Variants in GATAD2A observed in about 807,000 individuals in gnomAD.
The protein encoded by GATAD2A is GATA zinc finger domain containing 2A.
GATAD2A carries 12 observed loss-of-function variants against 68.5 expected under a neutral mutation model. That is an observed-to-expected ratio of 0.18 (90% CI 0.11 to 0.28). GATAD2A has a LOEUF of 0.28. GATAD2A is among the 10% of genes least tolerant of loss of function. GATAD2A has a pLI of 1.00. For synonymous variants in GATAD2A, 410 were observed against 375.3 expected (o/e 1.09, Z -1.07); for missense variants, 755 against 868.5 (o/e 0.87, Z 1.64).
In GATAD2A at chr19:19,498,710, C is replaced by G; in HGVS notation, c.1192C>G (p.Leu398Val). The change falls in exon 8 of 12, where the codon CTG (leucine) becomes GTG (valine). Residue 398 changes from leucine to valine, a missense_variant. By Grantham distance (32) the Leu-to-Val change is conservative. Transcript: ENST00000683918. The stretch of plus-strand genomic sequence containing the variant: ...CCTGGAGGAGGTGGTGCAGAACCTA[C>G]TGGAGACACAAGGTGAGTGGCCTGG... ...VGLEEVVQNLLETQAGRMSAA... is the reference protein window; with the variant it reads ...VGLEEVVQNLVETQAGRMSAA... 6.2e-7 allele frequency: 1 copy of G among 1,609,226 alleles called. No individual in the cohort carries two copies. Among genetic ancestry groups the G allele is most frequent in the Middle Eastern group, 1.7e-4 (1 of 6,030 alleles).
chr19:19,430,246 C>G (rs942984119), intron 1 of GATAD2A, among the ~76,000 whole-genome samples: 10 of 152,206 alleles, frequency 6.6e-5, no homozygotes, highest in Non-Finnish European at 1.5e-4. Context: ...AATTCTTCTC[C>G]AGCCAGCCAG....
intron 2 of GATAD2A, among the ~76,000 whole-genome samples, chr19:19,491,326 G>T (rs991633270): frequency 6.6e-6 from 1 of 152,206 alleles, no homozygotes; most frequent in Non-Finnish European, 1.5e-5. Flanking sequence ...CTTCCCAACT[G>T]GTAGTGAGAT....
intron 9 of GATAD2A, among the ~76,000 whole-genome samples, chr19:19,501,712 T>C (rs1202165910): frequency 2.0e-5 from 3 of 152,262 alleles, no homozygotes; most frequent in African/African-American, 7.2e-5. Flanking sequence ...GGAACAAGTT[T>C]GAAATCAAGT....
intron 3 of GATAD2A, 45 bp downstream of exon 3, chr19:19,492,483 TC>T: frequency 6.2e-7 from 1 of 1,613,064 alleles, no homozygotes; most frequent in Non-Finnish European, 8.5e-7. Context: ...ACTGTGCCCT[TC>T]CTACTCATGA....
chr19:19,418,811 C>G (rs2051971792), intron 1 of GATAD2A, among the ~76,000 whole-genome samples: 1 of 152,072 alleles, frequency 6.6e-6, no homozygotes, highest in South Asian at 2.1e-4. Flanking sequence ...CGCTGTGACA[C>G]TGGTTTTGAG....
intron 1 of GATAD2A, among the ~76,000 whole-genome samples, chr19:19,450,953 G>A (rs543862345): frequency 6.6e-6 from 1 of 151,548 alleles, no homozygotes; most frequent in East Asian, 2.0e-4. Context: ...TGTATTTTTA[G>A]TAGAGACGGG....
chr19:19,455,301 G>A (rs1314439717), intron 1 of GATAD2A, among the ~76,000 whole-genome samples: 1 of 152,022 alleles, frequency 6.6e-6, no homozygotes, highest in Non-Finnish European at 1.5e-5. Flanking sequence ...ACCAGCCTGG[G>A]CAACACAGTG....
chr19:19,420,583 G>A (rs898522769), intron 1 of GATAD2A, among the ~76,000 whole-genome samples: 9 of 151,022 alleles, frequency 6.0e-5, no homozygotes, highest in African/African-American at 2.2e-4. Context: ...CTCGTGATCC[G>A]CCCGCCTTGG....
chr19:19,392,827 G>C (rs1292633494), intron 1 of GATAD2A, among the ~76,000 whole-genome samples: 1 of 151,702 alleles, frequency 6.6e-6, no homozygotes, highest in African/African-American at 2.4e-5. Flanking sequence ...CTCCCCAGTA[G>C]CTAGGATTAC....
At chr19:19,435,174 G>A (rs1167567918) in intron 1 of GATAD2A, 1 of 528,876 alleles carries the variant, frequency 1.9e-6, no homozygotes, top group Non-Finnish European at 3.9e-6. Context: ...GAGATGCTGT[G>A]TGAGCATAGT....
intron 1 of GATAD2A, among the ~76,000 whole-genome samples, chr19:19,440,925 C>T (rs1412454302): frequency 1.7e-5 from 2 of 120,342 alleles, no homozygotes; most frequent in Non-Finnish European, 3.8e-5. Context: ...CCTTCCCTTT[C>T]CTTCCTTTTC....
At chr19:19,477,960 C>G (rs1460492430) in intron 2 of GATAD2A, among the ~76,000 whole-genome samples, 1 of 152,194 alleles carries the variant, frequency 6.6e-6, no homozygotes, top group Non-Finnish European at 1.5e-5. Flanking sequence ...AGAGGCTGTA[C>G]AGTTGCCACA....
intron 2 of GATAD2A, among the ~76,000 whole-genome samples, chr19:19,490,304 A>C (rs1440261432): frequency 6.6e-6 from 1 of 152,144 alleles, no homozygotes; most frequent in Non-Finnish European, 1.5e-5. Flanking sequence ...TGGCGAGTCC[A>C]GGGTAGCATT....
intron 1 of GATAD2A, among the ~76,000 whole-genome samples, chr19:19,415,239 G>A (rs2051461904): frequency 6.6e-6 from 1 of 151,184 alleles, no homozygotes; most frequent in African/African-American, 2.4e-5. Flanking sequence ...TGCAACCTCC[G>A]CCTCCTGGGT....
chr19:19,480,135 C>T (rs1392070064), intron 2 of GATAD2A, among the ~76,000 whole-genome samples: 1 of 152,156 alleles, frequency 6.6e-6, no homozygotes, highest in Non-Finnish European at 1.5e-5. Context: ...AATGGGGACT[C>T]ATGCTCACCT....
At chr19:19,489,247 C>A (rs2059630491) in intron 2 of GATAD2A, among the ~76,000 whole-genome samples, 1 of 152,236 alleles carries the variant, frequency 6.6e-6, no homozygotes, top group Admixed American at 6.5e-5. Context: ...GCTGGCGCCA[C>A]ACAGGAAGTG....
At chr19:19,415,836 T>C (rs548442292) in intron 1 of GATAD2A, among the ~76,000 whole-genome samples, 72 of 151,950 alleles carry the variant, frequency 4.7e-4, no homozygotes, top group African/African-American at 1.7e-3. Flanking sequence ...CAGGATGGTC[T>C]TGATCCCTTG....
intron 1 of GATAD2A, among the ~76,000 whole-genome samples, chr19:19,386,886 C>T (rs1190635801): frequency 2.0e-5 from 3 of 152,108 alleles, no homozygotes; most frequent in African/African-American, 7.2e-5. Flanking sequence ...CCCTTCTTCA[C>T]TGAGGGTCCC....
intron 1 of GATAD2A, among the ~76,000 whole-genome samples, chr19:19,406,555 C>T (rs2050290918): frequency 6.6e-6 from 1 of 152,154 alleles, no homozygotes; most frequent in South Asian, 2.1e-4. Flanking sequence ...GCCCTTCCTG[C>T]CTAACCCCCG....
Sources: allele counts gnomAD v4.1 joint callset (sites outside exome capture counted in the v4.1 genomes callset), GRCh38; gene constraint gnomAD v4.1.1; transcripts MANE v1.5; gene names NCBI Gene and HGNC (gene_info 2026-07-23, HGNC 2026-07-21).